The following SEMA3C variants were observed in gnomAD, a reference collection of about 807,000 sequenced individuals.
SEMA3C encodes semaphorin 3C, also known as semaphorin-3C.
SEMA3C carries 47 observed loss-of-function variants against 89.4 expected under a neutral mutation model. The ratio of observed to expected loss-of-function variants is 0.53; its 90% CI spans 0.42 to 0.67. SEMA3C has a LOEUF of 0.67. Among genes scored for constraint, SEMA3C ranks in the 30% least tolerant of loss-of-function variants. SEMA3C has a pLI of 0.00. For missense variants in SEMA3C, 839 were observed against 929.1 expected, an observed-to-expected ratio of 0.90 and a Z score of 1.26; for synonymous variants, 310 against 320.2, an observed-to-expected ratio of 0.97 and a Z score of 0.34.
chr7:80,790,764 C>A (rs1788918603), intron 11 of SEMA3C, among the ~76,000 whole-genome samples: 1 of 152,114 alleles, frequency 6.6e-6, no homozygotes, highest in African/African-American at 2.4e-5. Flanking sequence ...CCCTATTTAC[C>A]TAACAGTATA....
At chr7:80,775,448 A>G (rs1485773207) in intron 12 of SEMA3C, among the ~76,000 whole-genome samples, 1 of 152,144 alleles carries the variant, frequency 6.6e-6, no homozygotes, top group African/African-American at 2.4e-5. Flanking sequence ...AAACAGACCT[A>G]TATGTGATAT....
intron 9 of SEMA3C, among the ~76,000 whole-genome samples, chr7:80,802,062 C>CCCTG (rs1198337964): frequency 6.6e-6 from 1 of 151,896 alleles, no homozygotes; most frequent in East Asian, 1.9e-4. Context: ...ATATGATGTG[C>CCCTG]CCTGGGATAT....
chr7:80,789,275 AT>A, intron 12 of SEMA3C, 30 bp downstream of exon 12: 1 of 1,565,060 alleles, frequency 6.4e-7, no homozygotes, highest in Non-Finnish European at 8.8e-7. Flanking sequence ...TTTACTACAC[AT>A]TAAAGCATAT....
At chr7:80,887,827 T>C (rs1791519145) in intron 2 of SEMA3C, among the ~76,000 whole-genome samples, 1 of 152,198 alleles carries the variant, frequency 6.6e-6, no homozygotes, top group Non-Finnish European at 1.5e-5. Context: ...GTGTTAGACA[T>C]AGTCTAATAT....
At chr7:80,762,607 G>A (rs1054490909) in intron 13 of SEMA3C, among the ~76,000 whole-genome samples, 3 of 152,080 alleles carry the variant, frequency 2.0e-5, no homozygotes, top group Non-Finnish European at 4.4e-5. Context: ...TCACCCTGAG[G>A]TCAGGAGTTC....
intron 15 of SEMA3C, 125 bp from the exon 16 acceptor site, chr7:80,751,461 A>G: frequency 1.3e-6 from 1 of 771,328 alleles, no homozygotes; most frequent in African/African-American, 1.7e-5. Context: ...ATTTTTTAAA[A>G]AGAGTTCTGA....
intron 12 of SEMA3C, among the ~76,000 whole-genome samples, chr7:80,771,823 T>G (rs771697094): frequency 7.2e-5 from 11 of 152,128 alleles, no homozygotes; most frequent in Non-Finnish European, 1.3e-4. Context: ...ATAAATGTAT[T>G]CTAGTCAGGG....
At chr7:80,814,261 T>C (rs1008806420) in intron 5 of SEMA3C, among the ~76,000 whole-genome samples, 2 of 152,030 alleles carry the variant, frequency 1.3e-5, no homozygotes, top group Non-Finnish European at 2.9e-5. Context: ...GCTAATTTTT[T>C]GTATTTTTAG....
intron 4 of SEMA3C, 22 bp downstream of exon 4, chr7:80,827,403 T>TTG: frequency 1.3e-6 from 2 of 1,491,336 alleles, no homozygotes. Context: ...TTTTTTTTTT[T>TTG]TTTTTTTTTT....
At chr7:80,910,724 T>C (rs1296070186) in intron 2 of SEMA3C, among the ~76,000 whole-genome samples, 2 of 151,526 alleles carry the variant, frequency 1.3e-5, no homozygotes, top group Non-Finnish European at 2.9e-5. Flanking sequence ...AGCAAAGTGA[T>C]AGTTTTTTTA....
intron 2 of SEMA3C, among the ~76,000 whole-genome samples, chr7:80,863,930 T>C (rs1238766853): frequency 8.0e-6 from 1 of 125,570 alleles, no homozygotes; most frequent in South Asian, 2.5e-4. Context: ...ATATCATATA[T>C]ATCACATATA....
chr7:80,819,189 AT>A (rs1000025827), intron 4 of SEMA3C, among the ~76,000 whole-genome samples: 31 of 152,130 alleles, frequency 2.0e-4, no homozygotes, highest in Non-Finnish European at 2.9e-4. Flanking sequence ...TTTCTGCTCC[AT>A]TTTTTTATTG....
At chr7:80,752,566 G>C (rs1309288338) in intron 15 of SEMA3C, among the ~76,000 whole-genome samples, 1 of 138,896 alleles carries the variant, frequency 7.2e-6, no homozygotes, top group Non-Finnish European at 1.5e-5. Context: ...GGTGAGCTGA[G>C]ATCACGCCAC....
chr7:80,827,777 C>A (rs1265694132), intron 3 of SEMA3C, among the ~76,000 whole-genome samples: 1 of 152,000 alleles, frequency 6.6e-6, no homozygotes, highest in South Asian at 2.1e-4. Flanking sequence ...GTGAACAATA[C>A]AATTTTTCAC....
At chr7:80,860,885 T>C (rs1790755621) in intron 2 of SEMA3C, among the ~76,000 whole-genome samples, 1 of 152,200 alleles carries the variant, frequency 6.6e-6, no homozygotes, top group African/African-American at 2.4e-5. Context: ...TCTTCTGTAG[T>C]TACCTTCGAA....
intron 12 of SEMA3C, among the ~76,000 whole-genome samples, chr7:80,768,031 C>T (rs534195978): frequency 1.6e-4 from 24 of 152,202 alleles, no homozygotes; most frequent in African/African-American, 4.8e-4. Flanking sequence ...CAGAATAATG[C>T]CTGAAATTTG....
chr7:80,797,720 C>A (rs1583886727), intron 11 of SEMA3C, among the ~76,000 whole-genome samples: 1 of 152,132 alleles, frequency 6.6e-6, no homozygotes, highest in Non-Finnish European at 1.5e-5. Context: ...GATATTCAGG[C>A]CGGGTGCGGT....
intron 2 of SEMA3C, among the ~76,000 whole-genome samples, chr7:80,851,906 A>G (rs779085316): frequency 6.6e-6 from 1 of 152,232 alleles, no homozygotes; most frequent in Admixed American, 6.5e-5. Context: ...TACATTAGAA[A>G]CTATAAAAGT....
In SEMA3C at chr7:80,867,719, T is replaced by TACACACACACACAC. The variant is rs10641992; in HGVS notation, c.104-38988_104-38975dup. ...TTTCTATATCGATATGTATAAATCA[T>TACACACACACACAC]ACACACACACACACACACACATTAA... is the stretch of plus-strand genomic sequence containing the variant. On this transcript the variant is annotated intron_variant, in intron 2 of 17. Coordinates refer to ENST00000265361, the MANE Select transcript of SEMA3C (RefSeq NM_006379.5). 1.2e-3 allele frequency among the ~76,000 whole-genome samples: 181 copies of TACACACACACACAC among 149,806 alleles called. 2 individuals carry two copies. The East Asian group carries it at 0.025, about 20-fold the overall frequency.
Sources: gnomAD v4.1 joint callset for allele counts (sites outside exome capture counted in the v4.1 genomes callset) on GRCh38, gnomAD v4.1.1 for gene constraint, MANE v1.5 for transcripts, NCBI Gene and HGNC (gene_info 2026-07-23, HGNC 2026-07-21) for gene names.